Variants in GNAQ observed in about 807,000 individuals in gnomAD.
GNAQ encodes the protein G protein subunit alpha q, also known as guanine nucleotide-binding protein G(q) subunit alpha.
GNAQ carries 8 observed loss-of-function variants against 43.9 expected under a neutral mutation model. That is an observed-to-expected ratio of 0.18 (90% CI 0.11 to 0.33). GNAQ has a LOEUF of 0.33. Ranked by LOEUF, GNAQ falls within the 10% of genes least tolerant of loss-of-function variation. GNAQ has a pLI of 1.00. For missense variants in GNAQ, 158 were observed against 450.8 expected (o/e 0.35, Z 5.88); for synonymous variants, 155 against 170.7 (o/e 0.91, Z 0.71).
chr9:77,857,783 C>CTT (rs113349596), intron 2 of GNAQ, among the ~76,000 whole-genome samples: 3 of 144,406 alleles, frequency 2.1e-5, no homozygotes, highest in Admixed American at 7.0e-5. Context: ...CTTTTATACT[C>CTT]TTTTTTTTTT....
At chr9:77,829,612 G>A (rs935379844) in intron 2 of GNAQ, among the ~76,000 whole-genome samples, 5 of 152,098 alleles carry the variant, frequency 3.3e-5, no homozygotes, top group South Asian at 4.1e-4. Context: ...TGGCCCACCC[G>A]CAGCCTTGAG....
intron 1 of GNAQ, among the ~76,000 whole-genome samples, chr9:77,932,831 A>T (rs1414853672): frequency 1.3e-5 from 2 of 152,210 alleles, no homozygotes; most frequent in African/African-American, 4.8e-5. Context: ...AGAATGGATG[A>T]CTGTTAAGAA....
intron 2 of GNAQ, among the ~76,000 whole-genome samples, chr9:77,859,234 A>C (rs1827806220): frequency 1.3e-5 from 2 of 152,218 alleles, no homozygotes; most frequent in African/African-American, 4.8e-5. Flanking sequence ...GTAACACCTC[A>C]TACTCTGCTG....
intron 1 of GNAQ, among the ~76,000 whole-genome samples, chr9:77,962,865 C>T (rs772299979): frequency 4.1e-4 from 57 of 137,826 alleles, no homozygotes; most frequent in Non-Finnish European, 5.6e-4. Flanking sequence ...GCACTCCAGC[C>T]TGGGCAACAA....
At chr9:77,993,541 T>C (rs1823534177) in intron 1 of GNAQ, among the ~76,000 whole-genome samples, 2 of 150,962 alleles carry the variant, frequency 1.3e-5, no homozygotes, top group Non-Finnish European at 3.0e-5. Flanking sequence ...CTACCAAAAA[T>C]ACAAAAAAAA....
chr9:78,014,604 T>TCAAAA (rs934185929), intron 1 of GNAQ, among the ~76,000 whole-genome samples: 3 of 152,034 alleles, frequency 2.0e-5, no homozygotes, highest in Non-Finnish European at 2.9e-5. Context: ...AAACTCCGTC[T>TCAAAA]CAAAACAAAA....
In GNAQ at chr9:77,916,979, C is replaced by T. The variant is rs758535433; in HGVS notation, c.321+5182G>A. Among the ~76,000 whole-genome samples, 100 of 152,262 alleles carry T rather than the reference C, an allele frequency of 6.6e-4. No homozygotes were observed. In the Middle Eastern group the frequency reaches 0.017, roughly 26 times the overall value. On this transcript the variant is annotated intron_variant, in intron 2 of 6. Coordinates refer to ENST00000286548, the MANE Select transcript of GNAQ (RefSeq NM_002072.5). ...TTCATAGAGATTATAAGCCAACTATCAAAGGATACTATGATCCGCTATCTG... is the reference window on the plus strand; with the variant it reads ...TTCATAGAGATTATAAGCCAACTATTAAAGGATACTATGATCCGCTATCTG...
chr9:78,005,038 A>C lies in GNAQ; in HGVS notation c.136+26062T>G, dbSNP rs1823688950. Among the ~76,000 whole-genome samples, 3 of 152,160 alleles carry C rather than the reference A, an allele frequency of 2.0e-5. No individual in the cohort carries two copies. The South Asian group carries it at 6.2e-4, about 32-fold the overall frequency. ...ATGCAATGTAATTAATGGTTTGGAG[A>C]GATGACAAAACTACAATTTTTCTCT... On this transcript the variant is annotated intron_variant, in intron 1 of 6. Coordinates refer to ENST00000286548, the MANE Select transcript of GNAQ (RefSeq NM_002072.5).
intron 2 of GNAQ, among the ~76,000 whole-genome samples, chr9:77,913,895 T>C (rs552579524): frequency 6.6e-6 from 1 of 152,314 alleles, no homozygotes; most frequent in African/African-American, 2.4e-5. Flanking sequence ...CTGTATTTTT[T>C]TGAAATTTTT....
At chr9:77,914,789 C>T (rs986967364) in intron 2 of GNAQ, among the ~76,000 whole-genome samples, 7 of 149,756 alleles carry the variant, frequency 4.7e-5, no homozygotes, top group Admixed American at 4.6e-4. Flanking sequence ...ATCACTGTCA[C>T]CCACAAAAAC....
intron 2 of GNAQ, among the ~76,000 whole-genome samples, chr9:77,836,104 T>C (rs543289636): frequency 6.6e-6 from 1 of 152,264 alleles, no homozygotes; most frequent in South Asian, 2.1e-4. Flanking sequence ...CAAGTATACT[T>C]AAGAAACTAT....
At chr9:77,946,171 G>C (rs2118359138) in intron 1 of GNAQ, among the ~76,000 whole-genome samples, 1 of 152,300 alleles carries the variant, frequency 6.6e-6, no homozygotes, top group South Asian at 2.1e-4. Context: ...GATACTGCAA[G>C]AAGAGAGAAG....
rs940809961 is a variant in GNAQ, at chr9:77,800,256, A to G, written c.477-2608T>C. 9.9e-5 allele frequency among the ~76,000 whole-genome samples: 15 copies of G among 151,962 alleles called. No individual in the cohort carries two copies. The East Asian group carries it at 2.9e-3, about 29-fold the overall frequency. ...CCAAAGGACTATAAATCATGCTGCT[A>G]TAAAGACACATGCACACGTATGTTT... On this transcript the variant is annotated intron_variant, in intron 3 of 6. Transcript: ENST00000286548.
At chr9:77,818,788 C>A (rs972561122) in intron 2 of GNAQ, among the ~76,000 whole-genome samples, 5 of 151,812 alleles carry the variant, frequency 3.3e-5, no homozygotes, top group African/African-American at 9.7e-5. Context: ...TCACTTGAGG[C>A]CAGGAGTTCA....
chr9:77,752,667 T>G (rs1173864571), intron 5 of GNAQ, among the ~76,000 whole-genome samples: 2 of 152,248 alleles, frequency 1.3e-5, no homozygotes, highest in Non-Finnish European at 2.9e-5. Flanking sequence ...TGGAAATGCC[T>G]GTGTCTGTTA....
In GNAQ at chr9:77,918,760, T is replaced by G. The variant is rs750452022; in HGVS notation, c.321+3401A>C. Among the ~76,000 whole-genome samples the G allele has an allele frequency of 4.3e-4, 66 of 152,272 alleles. 1 individual carries two copies. Among genetic ancestry groups the G allele is most frequent in the Non-Finnish European group, 7.8e-4 (53 of 68,020 alleles). On this transcript the variant is annotated intron_variant, in intron 2 of 6. Coordinates refer to ENST00000286548, the MANE Select transcript of GNAQ (RefSeq NM_002072.5). ...GATCTGCCCTTCTCCCTTTCTGGAT[T>G]GTAAATTTCTGCCCAGCCCTGATTA...
chr9:77,776,271 C>T (rs1055326731), intron 5 of GNAQ, among the ~76,000 whole-genome samples: 2 of 152,092 alleles, frequency 1.3e-5, no homozygotes, highest in Admixed American at 1.3e-4. Context: ...GAACTAAATA[C>T]GTTAGTCAAT....
rs570347114 is a variant in GNAQ at position 77,809,552 on chromosome 9, T to C, written c.476+6064A>G. 1.8e-4 allele frequency among the ~76,000 whole-genome samples: 27 copies of C among 152,322 alleles called. No individual in the cohort carries two copies. In the South Asian group the frequency reaches 5.6e-3, roughly 32 times the overall value. On this transcript the variant is annotated intron_variant, in intron 3 of 6. Coordinates refer to ENST00000286548, the MANE Select transcript of GNAQ (RefSeq NM_002072.5). ...TCAGAGCCTTCAGGCTTTTTATCAA[T>C]AACGAAAAAGTTAATAAAGTAATCT...
At chr9:77,878,624 G>C (rs1196123095) in intron 2 of GNAQ, among the ~76,000 whole-genome samples, 2 of 151,530 alleles carry the variant, frequency 1.3e-5, no homozygotes, top group Non-Finnish European at 2.9e-5. Flanking sequence ...AAAGAAAACC[G>C]GGTAATAAGG....
Sources: gnomAD v4.1 joint callset for allele counts (sites outside exome capture counted in the v4.1 genomes callset) on GRCh38, gnomAD v4.1.1 for gene constraint, MANE v1.5 for transcripts, NCBI Gene and HGNC (gene_info 2026-07-23, HGNC 2026-07-21) for gene names.